TCF7L2: variants seen among roughly 807,000 people sequenced by gnomAD.
TCF7L2 encodes transcription factor 7 like 2, also known as transcription factor 7-like 2.
In TCF7L2, 23 loss-of-function variants were observed where a neutral mutation model predicts 77.9. That is an observed-to-expected ratio of 0.30 (90% CI 0.21 to 0.42). TCF7L2 has a LOEUF of 0.42. Ranked by LOEUF, TCF7L2 falls within the 10% of genes least tolerant of loss-of-function variation. The pLI is 1.00. For synonymous variants in TCF7L2, 413 were observed against 340.2 expected, an observed-to-expected ratio of 1.21 and a Z score of -2.36; for missense variants, 654 against 793.1, an observed-to-expected ratio of 0.82 and a Z score of 2.11.
intron 5 of TCF7L2, chr10:113,089,602 C>A: frequency 6.3e-7 from 1 of 1,582,222 alleles, no homozygotes; most frequent in African/African-American, 1.3e-5. Context: ...GCCGCCCACC[C>A]AAAGTTTACC....
chr10:113,116,645 TC>T (rs578205592), intron 5 of TCF7L2, among the ~76,000 whole-genome samples: 3 of 147,050 alleles, frequency 2.0e-5, no homozygotes, highest in Non-Finnish European at 1.5e-5. Flanking sequence ...TTTTGCTGCT[TC>T]CCCCCCGCCC....
At chr10:113,061,634 A>G (rs564937641) in intron 5 of TCF7L2, among the ~76,000 whole-genome samples, 3 of 152,298 alleles carry the variant, frequency 2.0e-5, no homozygotes, top group African/African-American at 7.2e-5. Context: ...GGGCCGTGTC[A>G]CCTAGGAAAT....
At position 113,134,772 on chromosome 10, in the gene TCF7L2, G is replaced by T. The variant is rs561056419; in HGVS notation, c.553-6412G>T. Among the ~76,000 whole-genome samples the T allele has an allele frequency of 6.6e-5, 10 of 152,344 alleles. No individual in the cohort carries two copies. The East Asian group carries it at 1.9e-3, about 29-fold the overall frequency. On this transcript the variant is annotated intron_variant, in intron 5 of 13. Transcript: ENST00000627217. ...GGAGTGAATGGTGTCCCTTCCTGAT[G>T]CTGATTTCAGCCCCTGGGAGGGCTG... is the stretch of plus-strand genomic sequence containing the variant.
rs1046061960 is a variant in TCF7L2 at position 112,964,639 on chromosome 10, A to G, written c.450+15A>G. On this transcript the variant is annotated intron_variant, in intron 4 of 13. Transcript: ENST00000627217. Reference sequence around the variant, plus strand: ...TTGCAGTTCAGGTAGGAAACGCAAGAGATTCTGAAGCTTGAATTGTCTATA... The same window carrying G: ...TTGCAGTTCAGGTAGGAAACGCAAGGGATTCTGAAGCTTGAATTGTCTATA... The G allele has an allele frequency of 6.2e-7, 1 of 1,609,854 alleles. No homozygotes were observed. The highest frequency in any genetic ancestry group is 1.3e-5 in the African/African-American group (1 of 74,908).
rs138558036 is a variant in TCF7L2 at position 112,982,356 on chromosome 10, G to A, written c.450+17732G>A. On this transcript the variant is annotated intron_variant, in intron 4 of 13. Coordinates refer to ENST00000627217, the MANE Select transcript of TCF7L2 (RefSeq NM_001146274.2). ...AGACTGGCCTATCACGGGGATTCAT[G>A]TGAGGCTCTGTCACAGGGGCCTAGT... 2.3e-3 allele frequency among the ~76,000 whole-genome samples: 346 copies of A among 152,240 alleles called. 1 individual carries two copies. The highest frequency in any genetic ancestry group is 7.9e-3 in the African/African-American group (326 of 41,520).
rs1320554551 is a variant in TCF7L2 at position 113,166,190 on chromosome 10, A to G, written c.*218A>G. The G allele has an allele frequency of 2.4e-6, 1 of 411,684 alleles. No individual in the cohort carries two copies. Among genetic ancestry groups the G allele is most frequent in the Non-Finnish European group, 4.1e-6 (1 of 241,984 alleles). The allele number at this position is 411,684 out of a possible 1,614,324, so 25.5% of individuals were successfully genotyped here. A position where few individuals can be genotyped will look rare whatever the true frequency, so the allele number is the denominator to read the frequency against. On this transcript the variant is annotated 3_prime_UTR_variant, in exon 14 of 14. Coordinates refer to ENST00000627217, the MANE Select transcript of TCF7L2 (RefSeq NM_001146274.2). ...ATGTAGATGAGAGAAGAACCTCATGATTCTACCAAAATTTTTATCAACAGC... is the reference window on the plus strand; with the variant it reads ...ATGTAGATGAGAGAAGAACCTCATGGTTCTACCAAAATTTTTATCAACAGC...
chr10:112,983,615 A>G (rs1362342999), intron 4 of TCF7L2, among the ~76,000 whole-genome samples: 1 of 152,182 alleles, frequency 6.6e-6, no homozygotes, highest in Non-Finnish European at 1.5e-5. Context: ...CTCTGTGGTC[A>G]GGCTATTGTT....
intron 4 of TCF7L2, among the ~76,000 whole-genome samples, chr10:112,992,489 C>G (rs555986144): frequency 3.3e-5 from 5 of 152,072 alleles, no homozygotes; most frequent in African/African-American, 1.2e-4. Flanking sequence ...GAGTGCTGGG[C>G]GAACATTTCT....
At chr10:113,115,739 C>T (rs550594336) in intron 5 of TCF7L2, among the ~76,000 whole-genome samples, 2 of 151,974 alleles carry the variant, frequency 1.3e-5, no homozygotes, top group African/African-American at 2.4e-5. Context: ...GAGCTGTGTG[C>T]GGCCTCCATT....
rs2074077145 is a variant in TCF7L2, at chr10:113,167,189, A to T, written c.*1217A>T. On this transcript the variant is annotated 3_prime_UTR_variant, in exon 14 of 14. Transcript: ENST00000627217. ...TGTATGTAGTTTTAATGTCACCTAT[A>T]ACAAAATGTGTTTGGTAGCAGATTG... The T allele has an allele frequency of 4.4e-6, 1 of 229,338 alleles. No homozygotes were observed. The highest frequency in any genetic ancestry group is 5.7e-5 in the Admixed American group (1 of 17,666). 14.2% of individuals were successfully genotyped at this position (229,338 alleles called of 1,614,324 possible).
chr10:113,087,894 C>T (rs1445755159), intron 5 of TCF7L2, among the ~76,000 whole-genome samples: 2 of 152,154 alleles, frequency 1.3e-5, no homozygotes, highest in Non-Finnish European at 2.9e-5. Context: ...TAACCATGTA[C>T]ACTGCTCTAA....
At chr10:113,020,323 A>G (rs1460596169) in intron 4 of TCF7L2, among the ~76,000 whole-genome samples, 1 of 152,090 alleles carries the variant, frequency 6.6e-6, no homozygotes, top group African/African-American at 2.4e-5. Context: ...GAAGAAGGTC[A>G]TGGGCACCAT....
At chr10:112,950,979 T>TA (rs1409054013) in intron 1 of TCF7L2, 34 bp downstream of exon 1, 3 of 1,588,540 alleles carry the variant, frequency 1.9e-6, no homozygotes, top group Non-Finnish European at 2.6e-6. Context: ...TGGGGTTTTT[T>TA]ATCTGTTTCC....
Position 113,121,172 on chromosome 10 carries a change from A to G in TCF7L2, c.553-20012A>G, listed in dbSNP as rs182893628. Among the ~76,000 whole-genome samples, 496 of 152,344 alleles carry G rather than the reference A, an allele frequency of 3.3e-3. 2 individuals carry two copies. Among genetic ancestry groups the G allele is most frequent in the South Asian group, 5.2e-3 (25 of 4,830 alleles). ...AGACTTGACATGTTTCAACTGAATGAAAAATCATGATACCTTTACCAAAAT... is the reference window on the plus strand; with the variant it reads ...AGACTTGACATGTTTCAACTGAATGGAAAATCATGATACCTTTACCAAAAT... On this transcript the variant is annotated intron_variant, in intron 5 of 13. Coordinates refer to ENST00000627217, the MANE Select transcript of TCF7L2 (RefSeq NM_001146274.2).
At chr10:113,049,243 C>T (rs1372895882) in intron 5 of TCF7L2, among the ~76,000 whole-genome samples, 1 of 152,012 alleles carries the variant, frequency 6.6e-6, no homozygotes, top group Non-Finnish European at 1.5e-5. Context: ...ATTTGAATGC[C>T]AAATAGACAG....
intron 4 of TCF7L2, among the ~76,000 whole-genome samples, chr10:113,003,293 C>G (rs879379045): frequency 1.1e-4 from 16 of 152,274 alleles, no homozygotes; most frequent in South Asian, 8.3e-4. Flanking sequence ...CTTTTTGATG[C>G]CTTCTCTTTG....
chr10:113,094,417 A>T (rs1400763156), intron 5 of TCF7L2, among the ~76,000 whole-genome samples: 2 of 152,190 alleles, frequency 1.3e-5, no homozygotes, highest in Non-Finnish European at 2.9e-5. Flanking sequence ...CGTGGTATGT[A>T]TGGAAAATTT....
chr10:113,089,516 A>C, intron 5 of TCF7L2: 1 of 1,613,898 alleles, frequency 6.2e-7, no homozygotes, highest in South Asian at 1.1e-5. Context: ...CCTTACAAAA[A>C]GTTGGGGAGC....
chr10:112,974,505 G>A (rs1378097928), intron 4 of TCF7L2, among the ~76,000 whole-genome samples: 3 of 152,050 alleles, frequency 2.0e-5, no homozygotes, highest in Non-Finnish European at 2.9e-5. Context: ...GTGCAGTGGC[G>A]CGATCTCGGC....
Sources: allele counts gnomAD v4.1 joint callset (sites outside exome capture counted in the v4.1 genomes callset), GRCh38; gene constraint gnomAD v4.1.1; transcripts MANE v1.5; gene names NCBI Gene and HGNC (gene_info 2026-07-23, HGNC 2026-07-21).